Variants in PCNX1 observed in about 807,000 individuals in gnomAD.
PCNX1 encodes the protein pecanex 1, also known as pecanex-like protein 1.
Under a neutral mutation model 242.2 loss-of-function variants are expected in PCNX1, and 78 were observed. That is an observed-to-expected ratio of 0.32 (90% CI 0.27 to 0.39). The LOEUF (loss-of-function observed/expected upper bound fraction) is 0.39, where lower values mean the gene tolerates loss of function less well. Ranked by LOEUF, PCNX1 falls within the 10% of genes least tolerant of loss-of-function variation. The pLI, the probability that PCNX1 is intolerant of heterozygous loss-of-function variation, is 1.00. For missense variants in PCNX1, 2,581 were observed against 2,856.5 expected (o/e 0.90, Z 2.20); for synonymous variants, 1,024 against 1,032.9 (o/e 0.99, Z 0.17).
intron 2 of PCNX1, among the ~76,000 whole-genome samples, chr14:70,954,353 C>T (rs1037598809): frequency 2.6e-5 from 4 of 152,082 alleles, no homozygotes; most frequent in African/African-American, 9.7e-5. Flanking sequence ...AACCTCCTAC[C>T]ATATTCTTTT....
At chr14:71,106,325 T>C (rs1335031867) in intron 33 of PCNX1, among the ~76,000 whole-genome samples, 1 of 152,236 alleles carries the variant, frequency 6.6e-6, no homozygotes, top group African/African-American at 2.4e-5. Context: ...GCTGAAAATA[T>C]AATTTTTAAA....
intron 27 of PCNX1, among the ~76,000 whole-genome samples, chr14:71,074,990 C>CTTTTTTTTTTTTTTTTTT (rs900279128): frequency 4.0e-5 from 4 of 101,114 alleles, no homozygotes; most frequent in Admixed American, 1.1e-4. Context: ...CTTTTCTTCT[C>CTTTTTTTTTTTTTTTTTT]TTTTTTTTTT....
chr14:71,044,107 CTG>C (rs2060790973), intron 19 of PCNX1, among the ~76,000 whole-genome samples: 1 of 152,116 alleles, frequency 6.6e-6, no homozygotes, highest in Non-Finnish European at 1.5e-5. Context: ...ATAGTGATGT[CTG>C]TGAATTCCTT....
rs1163242311 is a variant in PCNX1 at position 71,009,711 on chromosome 14, G to C, written c.2707G>C (p.Ala903Pro). The change falls in exon 9 of 36, where the codon GCA (alanine) becomes CCA (proline). Residue 903 changes from alanine (A) to proline (P), a missense_variant. By Grantham distance (27) the Ala-to-Pro change is conservative. This residue lies in a region of PCNX1 where 1,204 missense variants were observed against 1,216.7 expected (regional missense o/e 0.99). Transcript: ENST00000304743. ...GAATTTTGAACCAGCAGCAAGAAGA[G>C]CATCCAATATCTGGTATGTGTGAAG... ...LVNFEPAARRASNICDTDSHV... is the reference protein window; with the variant it reads ...LVNFEPAARRPSNICDTDSHV... 1 of 1,592,854 alleles carries C rather than the reference G, an allele frequency of 6.3e-7. No homozygotes were observed. Among genetic ancestry groups the C allele is most frequent in the Non-Finnish European group, 8.6e-7 (1 of 1,163,120 alleles).
At chr14:71,077,401 A>G (rs1471710207) in intron 28 of PCNX1, among the ~76,000 whole-genome samples, 2 of 152,206 alleles carry the variant, frequency 1.3e-5, no homozygotes, top group African/African-American at 2.4e-5. Flanking sequence ...AGTGTGAGCT[A>G]CCTTGACAAC....
chr14:71,064,379 A>G (rs1031515437), intron 26 of PCNX1, among the ~76,000 whole-genome samples: 1 of 152,136 alleles, frequency 6.6e-6, no homozygotes, highest in East Asian at 1.9e-4. Context: ...ATTCTGCTTT[A>G]ATTCAGGTAT....
At chr14:71,108,527 G>T in intron 33 of PCNX1, 77 bp from the exon 34 acceptor site, 1 of 1,183,644 alleles carries the variant, frequency 8.4e-7, no homozygotes. Flanking sequence ...AGGGGAAAAA[G>T]TCTTAGAAAC....
At chr14:71,014,266 A>T (rs190850345) in intron 11 of PCNX1, among the ~76,000 whole-genome samples, 1 of 152,352 alleles carries the variant, frequency 6.6e-6, no homozygotes. Context: ...GAAGGGATCA[A>T]ACTGTTTCCA....
intron 7 of PCNX1, among the ~76,000 whole-genome samples, chr14:70,991,203 C>CTTTT (rs1393062718): frequency 1.6e-5 from 2 of 124,324 alleles, no homozygotes; most frequent in Admixed American, 8.7e-5. Flanking sequence ...TGTGTACTAC[C>CTTTT]TTTTTTTTTT....
rs377391524 is a variant in PCNX1 at position 71,019,016 on chromosome 14, G to C, written c.3004G>C (p.Glu1002Gln). The change falls in exon 12 of 36, where the codon GAG (glutamate) becomes CAG (glutamine). Residue 1002 changes from glutamate (E) to glutamine (Q), a missense_variant. Transcript: ENST00000304743. ...AAGTTTTTCTGTCCGTAGAAATCGT[G>C]AGATCCTGGAAAATGTGTTAGCTGT... ...TLLALFDRNR[E>Q]ILENVLAVIL... is the part of the protein sequence containing the mutation. 7.0e-5 allele frequency: 112 copies of C among 1,610,152 alleles called. No individual in the cohort carries two copies. The East Asian group carries it at 2.0e-3, about 29-fold the overall frequency.
chr14:71,013,131 C>G lies in PCNX1; in HGVS notation c.2925C>G (p.Arg975=), dbSNP rs754684956. The G allele has an allele frequency of 6.2e-7, 1 of 1,614,124 alleles. No homozygotes were observed. The highest frequency in any genetic ancestry group is 2.2e-5 in the East Asian group (1 of 44,860). ...CCCAAAAGGTTAAACACTATTATCG[C>G]TTTTGGATCCTACCCCAGCTGTGGA... ...EAAQKVKHYY[R]FWILPQLWIG... is the part of the protein sequence containing the mutation. The change falls in exon 11 of 36, where the codon CGC becomes CGG. Residue 975 remains arginine, a synonymous_variant. Coordinates refer to ENST00000304743, the MANE Select transcript of PCNX1 (RefSeq NM_014982.3).
In PCNX1 at chr14:70,947,109, C is replaced by T. The variant is rs765929208; in HGVS notation, c.348C>T (p.Asp116=). ...GCAACTGTTCAACCAGGAGAAAAGA[C>T]AGCAATGGACCGAGGTAAGGAAACC... ...EQGNCSTRRK[D]SNGPSDPGGG... is the part of the protein sequence containing the mutation. The change falls in exon 2 of 36, where the codon GAC becomes GAT. Residue 116 remains aspartate (D), a synonymous_variant. Coordinates refer to ENST00000304743, the MANE Select transcript of PCNX1 (RefSeq NM_014982.3). 6.2e-7 allele frequency: 1 copy of T among 1,609,572 alleles called. No homozygotes were observed. The highest frequency in any genetic ancestry group is 2.2e-5 in the East Asian group (1 of 44,778).
At chr14:70,973,572 A>G (rs1287025876) in intron 5 of PCNX1, among the ~76,000 whole-genome samples, 1 of 152,064 alleles carries the variant, frequency 6.6e-6, no homozygotes, top group Admixed American at 6.5e-5. Context: ...CAGTGAATAC[A>G]GACAACTCTT....
chr14:71,066,701 A>G (rs1002062052), intron 26 of PCNX1, among the ~76,000 whole-genome samples: 4 of 152,150 alleles, frequency 2.6e-5, no homozygotes, highest in Admixed American at 1.3e-4. Flanking sequence ...TTCAAAGGGA[A>G]TGCTTCCAGT....
In PCNX1 at chr14:71,038,974, A is replaced by G. The variant is rs888003662; in HGVS notation, c.3867+2817A>G. Among the ~76,000 whole-genome samples, 12 of 151,722 alleles carry G rather than the reference A, an allele frequency of 7.9e-5. No individual in the cohort carries two copies. In the East Asian group the frequency reaches 2.3e-3, roughly 29 times the overall value. ...ATTCTCAGTAAACTATCGCAAGAAC[A>G]AAAAACCAAACACCGCATATTCTCA... is the stretch of plus-strand genomic sequence containing the variant. On this transcript the variant is annotated intron_variant, in intron 19 of 35. Coordinates refer to ENST00000304743, the MANE Select transcript of PCNX1 (RefSeq NM_014982.3).
At chr14:71,084,029 G>T (rs1022123423) in intron 28 of PCNX1, among the ~76,000 whole-genome samples, 1 of 152,160 alleles carries the variant, frequency 6.6e-6, no homozygotes, top group African/African-American at 2.4e-5. Context: ...TTCAGATGGG[G>T]TTTCTGTGTG....
intron 19 of PCNX1, 48 bp downstream of exon 19, chr14:71,036,205 G>A: frequency 8.5e-7 from 1 of 1,173,252 alleles, no homozygotes; most frequent in Non-Finnish European, 1.3e-6. Context: ...TTGAGACAGG[G>A]TCTCACTCTG....
intron 26 of PCNX1, among the ~76,000 whole-genome samples, chr14:71,066,641 G>A (rs1476847907): frequency 1.3e-5 from 2 of 152,096 alleles, no homozygotes; most frequent in Non-Finnish European, 2.9e-5. Flanking sequence ...ACGTCCAATA[G>A]TGTGTTGAAT....
chr14:71,063,250 T>G (rs2061368844), intron 26 of PCNX1, among the ~76,000 whole-genome samples: 1 of 152,186 alleles, frequency 6.6e-6, no homozygotes, highest in Non-Finnish European at 1.5e-5. Context: ...CTGTTGCATA[T>G]TCTTCTTTGT....
Sources: gnomAD v4.1 joint callset for allele counts (sites outside exome capture counted in the v4.1 genomes callset) on GRCh38, gnomAD v4.1.1 for gene constraint, gnomAD v4.1.1 regional missense constraint, MANE v1.5 for transcripts, NCBI Gene and HGNC (gene_info 2026-07-23, HGNC 2026-07-21) for gene names.